Variants in THSD7A observed in about 807,000 individuals in gnomAD.
THSD7A encodes thrombospondin type-1 domain-containing protein 7A.
THSD7A carries 96 observed loss-of-function variants against 231.3 expected under a neutral mutation model. The observed-to-expected ratio is 0.41, with a 90% CI of 0.35 to 0.49. The LOEUF (loss-of-function observed/expected upper bound fraction) is 0.49, where lower values mean the gene tolerates loss of function less well. Among genes scored for constraint, THSD7A ranks in the 20% least tolerant of loss-of-function variants. The pLI, the probability that THSD7A is intolerant of heterozygous loss-of-function variation, is 0.05. For missense variants in THSD7A, 2,290 were observed against 2,070.2 expected (o/e 1.11, Z -2.06); for synonymous variants, 940 against 743.3 (o/e 1.26, Z -4.30).
At chr7:11,792,464 C>G (rs117414094) in intron 1 of THSD7A, among the ~76,000 whole-genome samples, 4,737 of 151,984 alleles carry the variant, frequency 0.031, 145 homozygotes, top group East Asian at 0.15. Flanking sequence ...TTTCCTCCCC[C>G]AATATATCTT....
intron 2 of THSD7A, among the ~76,000 whole-genome samples, chr7:11,610,425 A>G (rs534597362): frequency 5.9e-5 from 9 of 152,250 alleles, no homozygotes; most frequent in Non-Finnish European, 1.2e-4. Context: ...TGTTGTAGGT[A>G]AAGTTAGTAA....
At chr7:11,666,891 A>AT (rs1341336397) in intron 1 of THSD7A, among the ~76,000 whole-genome samples, 1 of 152,010 alleles carries the variant, frequency 6.6e-6, no homozygotes, top group Non-Finnish European at 1.5e-5. Context: ...ATTTAAAAAT[A>AT]TTTTTCTGAT....
At chr7:11,614,278 G>A (rs1042956460) in intron 2 of THSD7A, among the ~76,000 whole-genome samples, 3 of 152,152 alleles carry the variant, frequency 2.0e-5, no homozygotes, top group Admixed American at 6.6e-5. Context: ...AATGGTGAGC[G>A]CTTCCACTAG....
intron 1 of THSD7A, among the ~76,000 whole-genome samples, chr7:11,738,938 A>G (rs945165043): frequency 5.9e-5 from 9 of 151,998 alleles, no homozygotes; most frequent in Non-Finnish European, 1.2e-4. Context: ...AAGCCACTAA[A>G]TTCATGTTAA....
At chr7:11,543,463 TAAAAGA>T (rs1443272320) in intron 4 of THSD7A, among the ~76,000 whole-genome samples, 1 of 152,156 alleles carries the variant, frequency 6.6e-6, no homozygotes, top group Non-Finnish European at 1.5e-5. Flanking sequence ...TCTAAGAAAG[TAAAAGA>T]AAACTTCAGA....
In THSD7A at chr7:11,515,438, ACT is replaced by A. The variant is rs145292519; in HGVS notation, c.1822+25979_1822+25980del. On this transcript the variant is annotated intron_variant, in intron 6 of 27. Coordinates refer to ENST00000423059, the MANE Select transcript of THSD7A (RefSeq NM_015204.3). ...AAACCTACCTTTTGGCTGAAAGAAG[ACT>A]CTGTAAATGCACAAGGCAGATAATT... 1.6e-3 allele frequency among the ~76,000 whole-genome samples: 241 copies of A among 152,222 alleles called. 6 individuals are homozygous for A. In the East Asian group the frequency reaches 0.039, roughly 25 times the overall value.
intron 4 of THSD7A, among the ~76,000 whole-genome samples, chr7:11,563,443 T>C (rs545588449): frequency 1.7e-4 from 26 of 152,262 alleles, no homozygotes; most frequent in Admixed American, 4.6e-4. Context: ...CACTGCAACC[T>C]CCGCCTCTTG....
At chr7:11,625,849 A>C (rs1353772556) in intron 2 of THSD7A, among the ~76,000 whole-genome samples, 1 of 152,138 alleles carries the variant, frequency 6.6e-6, no homozygotes, top group Non-Finnish European at 1.5e-5. Context: ...AAGCCAGTAG[A>C]ATTCCAGCAA....
chr7:11,411,210 T>C lies in THSD7A; in HGVS notation c.3795A>G (p.Glu1265=). The part of the protein sequence containing the change: ...DGKSVDLKYC[E]ALGLEKNWQM... Reference sequence around the variant, plus strand: ...ATATAACACAGCATCCACCTACCGCTTCACAATATTTCAGGTCAACTGACT... The same window carrying C: ...ATATAACACAGCATCCACCTACCGCCTCACAATATTTCAGGTCAACTGACT... Residue 1265 remains glutamate, a synonymous_variant, in exon 19 of 28, where the codon GAA becomes GAG. Transcript: ENST00000423059. This position sits in a 1 kb window ranked among gnomAD's most constrained non-coding sequence, Gnocchi z 4.1. 6.2e-7 allele frequency: 1 copy of C among 1,611,574 alleles called. No homozygotes were observed. The highest frequency in any genetic ancestry group is 8.5e-7 in the Non-Finnish European group (1 of 1,178,078).
chr7:11,756,917 C>T (rs1302663165), intron 1 of THSD7A, among the ~76,000 whole-genome samples: 1 of 151,916 alleles, frequency 6.6e-6, no homozygotes, highest in African/African-American at 2.4e-5. Context: ...AAGGAAATAA[C>T]ATGTTCTTTA....
rs914423791 is a variant in THSD7A, at chr7:11,449,801, G to A, written c.2606-2377C>T. On this transcript the variant is annotated intron_variant, in intron 11 of 27. Coordinates refer to ENST00000423059, the MANE Select transcript of THSD7A (RefSeq NM_015204.3). Reference sequence around the variant, plus strand: ...ACTTAGTAAGTGCCGATGGTTCATGGACAAAGTTGCCCCAAGGATGCTAAA... The same window carrying A: ...ACTTAGTAAGTGCCGATGGTTCATGAACAAAGTTGCCCCAAGGATGCTAAA... 2.0e-5 allele frequency among the ~76,000 whole-genome samples: 3 copies of A among 151,906 alleles called. 1 individual carries two copies. Among genetic ancestry groups the A allele is most frequent in the Admixed American group, 2.0e-4 (3 of 15,220 alleles).
chr7:11,672,016 A>T (rs969385653), intron 1 of THSD7A, among the ~76,000 whole-genome samples: 1 of 152,182 alleles, frequency 6.6e-6, no homozygotes, highest in African/African-American at 2.4e-5. Flanking sequence ...AACTATTATG[A>T]GAATGGCATT....
chr7:11,542,854 A>C (rs1188636805), intron 5 of THSD7A, 108 bp downstream of exon 5: 1 of 1,237,958 alleles, frequency 8.1e-7, no homozygotes. Flanking sequence ...GTCTTTAGCC[A>C]TTCTGGAAAA....
intron 4 of THSD7A, among the ~76,000 whole-genome samples, chr7:11,547,346 C>T (rs1445483825): frequency 1.3e-5 from 2 of 152,186 alleles, no homozygotes; most frequent in Non-Finnish European, 2.9e-5. Flanking sequence ...ACTTAAAAGG[C>T]ACAGAGTGAT....
At chr7:11,772,634 T>G (rs1305703144) in intron 1 of THSD7A, among the ~76,000 whole-genome samples, 1 of 152,174 alleles carries the variant, frequency 6.6e-6, no homozygotes, top group Non-Finnish European at 1.5e-5. Context: ...ATTCTGTGCA[T>G]TCTTACTTAA....
At chr7:11,379,365 A>G in intron 25 of THSD7A, 85 bp from the exon 26 acceptor site, 2 of 1,380,494 alleles carry the variant, frequency 1.4e-6, no homozygotes, top group Non-Finnish European at 2.0e-6. Context: ...AAGGCTTTAA[A>G]CAAGGTTTGT....
At chr7:11,544,196 G>T (rs555842018) in intron 4 of THSD7A, among the ~76,000 whole-genome samples, 1 of 152,218 alleles carries the variant, frequency 6.6e-6, no homozygotes, top group African/African-American at 2.4e-5. Flanking sequence ...ACAAAAATTA[G>T]CTGGGCGTGG....
At chr7:11,748,350 TACTC>T (rs1243625866) in intron 1 of THSD7A, among the ~76,000 whole-genome samples, 1 of 151,964 alleles carries the variant, frequency 6.6e-6, no homozygotes, top group African/African-American at 2.4e-5. Context: ...GACTCAAACT[TACTC>T]ATGAAAATAA....
chr7:11,742,443 T>G (rs80212166), intron 1 of THSD7A, among the ~76,000 whole-genome samples: 5,335 of 151,990 alleles, frequency 0.035, 331 homozygotes, highest in African/African-American at 0.12. Context: ...GATTTTTTGT[T>G]GTTTTAAGAA....
Sources: allele counts gnomAD v4.1 joint callset (sites outside exome capture counted in the v4.1 genomes callset), GRCh38; gene constraint gnomAD v4.1.1; non-coding constraint Gnocchi (gnomAD v3.1); transcripts MANE v1.5; gene names NCBI Gene and HGNC (gene_info 2026-07-23, HGNC 2026-07-21).